The following IL34 variants were observed in gnomAD, a reference collection of about 807,000 sequenced individuals.
IL34 encodes interleukin 34.
A neutral mutation model predicts 25.3 loss-of-function variants in IL34; 17 were observed. That is an observed-to-expected ratio of 0.67 (90% CI 0.46 to 1.01). The LOEUF (loss-of-function observed/expected upper bound fraction) is 1.01. Ranked by LOEUF, IL34 falls within the 50% of genes least tolerant of loss-of-function variation. The pLI, the probability that IL34 is intolerant of heterozygous loss-of-function variation, is 0.00. For missense variants in IL34, 368 were observed against 312.9 expected, an observed-to-expected ratio of 1.18 and a Z score of -1.33; for synonymous variants, 174 against 140.9, an observed-to-expected ratio of 1.23 and a Z score of -1.66.
Position 70,603,538 on chromosome 16 carries a change from AG to A in IL34, c.-401+23490del, listed in dbSNP as rs573230232. Among the ~76,000 whole-genome samples, 986 of 152,232 alleles carry A rather than the reference AG, an allele frequency of 6.5e-3. 11 individuals carry two copies. Among genetic ancestry groups the A allele is most frequent in the African/African-American group, 0.022 (896 of 41,530 alleles). ...GGTGATCCACCCGCCTCAGCCTCCC[AG>A]AGTGCTAGGGTTACAGGTGTGAGTC... On this transcript the variant is annotated intron_variant, in intron 1 of 6. Transcript: ENST00000429149.
rs748058543 is a variant in IL34 at position 70,646,735 on chromosome 16, C to T, written c.-213C>T. 115 of 497,674 alleles carry T rather than the reference C, an allele frequency of 2.3e-4. No individual in the cohort carries two copies. The highest frequency in any genetic ancestry group is 2.7e-4 in the Non-Finnish European group (78 of 287,656). 30.8% of individuals were successfully genotyped at this position (497,674 alleles called of 1,614,324 possible). On this transcript the variant is annotated 5_prime_UTR_variant, in exon 1 of 6. Coordinates refer to ENST00000288098, the MANE Select transcript of IL34 (RefSeq NM_001393494.1). ...CATGGGACTTGCGGCCACCGCCCCC[C>T]GGCTGTCCTCCACGCTGCCGGGCAG...
At chr16:70,649,762 G>A (rs2052032796) in intron 1 of IL34, among the ~76,000 whole-genome samples, 1 of 151,900 alleles carries the variant, frequency 6.6e-6, no homozygotes, top group Non-Finnish European at 1.5e-5. Flanking sequence ...TCTTTCTTAA[G>A]CCTCCTCTCT....
intron 1 of IL34, among the ~76,000 whole-genome samples, chr16:70,609,420 T>G (rs1465153363): frequency 6.6e-6 from 1 of 152,158 alleles, no homozygotes; most frequent in Non-Finnish European, 1.5e-5. Context: ...GCTCGCAAGC[T>G]GTTAAGTCCT....
At chr16:70,635,753 C>T (rs1239695200) in intron 1 of IL34, among the ~76,000 whole-genome samples, 2 of 152,170 alleles carry the variant, frequency 1.3e-5, no homozygotes, top group South Asian at 2.1e-4. Flanking sequence ...AAAAAGCCTA[C>T]GTTTTTCCAA....
intron 1 of IL34, among the ~76,000 whole-genome samples, chr16:70,627,715 C>G (rs954869411): frequency 2.0e-5 from 3 of 152,114 alleles, no homozygotes; most frequent in African/African-American, 7.2e-5. Flanking sequence ...AGAGATCTGC[C>G]TACTTCAGAT....
chr16:70,636,950 G>A (rs1245532135), intron 1 of IL34, among the ~76,000 whole-genome samples: 1 of 151,580 alleles, frequency 6.6e-6, no homozygotes, highest in Admixed American at 6.6e-5. Flanking sequence ...CGTAATCTCG[G>A]CTCACTGCAA....
At chr16:70,634,637 G>A (rs1405447743) in intron 1 of IL34, among the ~76,000 whole-genome samples, 1 of 150,566 alleles carries the variant, frequency 6.6e-6, no homozygotes, top group Non-Finnish European at 1.5e-5. Context: ...CCGAGATCGT[G>A]TCACTGAACT....
intron 1 of IL34, among the ~76,000 whole-genome samples, chr16:70,647,696 C>T (rs530515652): frequency 2.6e-5 from 4 of 152,186 alleles, no homozygotes; most frequent in Non-Finnish European, 4.4e-5. Flanking sequence ...CCTCTGTCTC[C>T]AACGCCTGGC....
At chr16:70,621,671 A>G (rs1313562368) in intron 1 of IL34, among the ~76,000 whole-genome samples, 5 of 152,112 alleles carry the variant, frequency 3.3e-5, no homozygotes. Context: ...ATGGCTGTTT[A>G]TTTCACCTGG....
At chr16:70,643,666 C>G (rs567376473), upstream of IL34, among the ~76,000 whole-genome samples, 2 of 152,250 alleles carry the variant, frequency 1.3e-5, no homozygotes, top group Admixed American at 1.3e-4. Flanking sequence ...TGAGCCATCA[C>G]ACGCAGCCTG....
At chr16:70,625,868 G>A (rs34714789) in intron 1 of IL34, among the ~76,000 whole-genome samples, 16 of 152,308 alleles carry the variant, frequency 1.1e-4, no homozygotes, top group South Asian at 1.0e-3. Flanking sequence ...GCCACTTACC[G>A]GATTTGAAAT....
In IL34 at chr16:70,659,591, CG is replaced by C. The variant is rs753727217; in HGVS notation, c.403-26del. ...CTGGGGTGCGGCCCCATCTCGCCACCGCTCCTGACTGTTTCCTCCTTTCCAG... is the reference window on the plus strand; with the variant it reads ...CTGGGGTGCGGCCCCATCTCGCCACCCTCCTGACTGTTTCCTCCTTTCCAG... On this transcript the variant is annotated intron_variant, in intron 4 of 5. Coordinates refer to ENST00000288098, the MANE Select transcript of IL34 (RefSeq NM_001393494.1). The C allele has an allele frequency of 2.8e-5, 45 of 1,584,256 alleles. No individual in the cohort carries two copies. The South Asian group carries it at 5.0e-4, about 18-fold the overall frequency.
At chr16:70,639,036 T>G (rs1022224268) in intron 1 of IL34, among the ~76,000 whole-genome samples, 1 of 152,222 alleles carries the variant, frequency 6.6e-6, no homozygotes, top group Non-Finnish European at 1.5e-5. Flanking sequence ...TTGCCCTGTT[T>G]TGGTGATTCT....
chr16:70,621,822 G>A (rs527832664), intron 1 of IL34, among the ~76,000 whole-genome samples: 25 of 152,144 alleles, frequency 1.6e-4, no homozygotes, highest in African/African-American at 6.0e-4. Flanking sequence ...GTCGCAAGGT[G>A]CTCAGTGGGG....
chr16:70,626,390 G>GTTTGTT lies in IL34; in HGVS notation c.-400-20142_-400-20137dup, dbSNP rs1361493442. 2.0e-5 allele frequency among the ~76,000 whole-genome samples: 3 copies of GTTTGTT among 152,028 alleles called. No individual in the cohort carries two copies. The East Asian group carries it at 5.8e-4, about 29-fold the overall frequency. The stretch of plus-strand genomic sequence containing the variant: ...AAGAAAACACGATGTGTGTGGGTTT[G>GTTTGTT]TTTGTTTTTGTTTTTGTTTTTTTGA... On this transcript the variant is annotated intron_variant, in intron 1 of 6. Transcript: ENST00000429149.
upstream of IL34, among the ~76,000 whole-genome samples, chr16:70,642,461 C>CT (rs2051809285): frequency 6.6e-6 from 1 of 152,024 alleles, no homozygotes; most frequent in Non-Finnish European, 1.5e-5. Flanking sequence ...CTGCGCCCGC[C>CT]TAATTTTTGT....
chr16:70,607,578 C>G (rs1483930367), intron 1 of IL34, among the ~76,000 whole-genome samples: 1 of 152,094 alleles, frequency 6.6e-6, no homozygotes, highest in African/African-American at 2.4e-5. Flanking sequence ...TGATCTTGAT[C>G]TTGGAGAGCA....
At chr16:70,625,849 T>C (rs969354372) in intron 1 of IL34, among the ~76,000 whole-genome samples, 9 of 151,844 alleles carry the variant, frequency 5.9e-5, no homozygotes, top group Admixed American at 2.0e-4. Flanking sequence ...GAAAAGAGAG[T>C]AAAAAGTGGC....
At chr16:70,623,619 G>A (rs1006574996) in intron 1 of IL34, among the ~76,000 whole-genome samples, 1 of 151,884 alleles carries the variant, frequency 6.6e-6, no homozygotes, top group Non-Finnish European at 1.5e-5. Context: ...AGGGAGTAGA[G>A]GTATCTTATA....
Sources: allele counts gnomAD v4.1 joint callset (sites outside exome capture counted in the v4.1 genomes callset), GRCh38; gene constraint gnomAD v4.1.1; transcripts MANE v1.5; gene names NCBI Gene and HGNC (gene_info 2026-07-23, HGNC 2026-07-21).